The following ZNF749 variants were observed in gnomAD, a reference collection of about 807,000 sequenced individuals.
ZNF749 encodes the protein zinc finger protein 749.
In ZNF749, 8 loss-of-function variants were observed where a neutral mutation model predicts 7.3. The ratio of observed to expected loss-of-function variants is 1.10; its 90% CI spans 0.64 to 1.98. The LOEUF (loss-of-function observed/expected upper bound fraction) is 1.98, where lower values mean the gene tolerates loss of function less well. ZNF749 is among the 30% of genes most tolerant of loss of function. The pLI is 0.00. For synonymous variants in ZNF749, 310 were observed against 322.4 expected (o/e 0.96, Z 0.41); for missense variants, 898 against 932.4 (o/e 0.96, Z 0.48).
In ZNF749 at chr19:57,445,029, G is replaced by T. The variant is rs777413595; in HGVS notation, c.1881G>T (p.Leu627=). 6.2e-7 allele frequency: 1 copy of T among 1,614,050 alleles called. No individual in the cohort carries two copies. The highest frequency in any genetic ancestry group is 8.5e-7 in the Non-Finnish European group (1 of 1,180,006). Residue 627 remains leucine, a synonymous_variant, in exon 3 of 3, where the codon CTG becomes CTT. Transcript: ENST00000334181. ...AATTCTTTAGATATCGCTGTACACT[G>T]AGTAGACATCAGAAAGTTCACACTG... ...CGKFFRYRCT[L]SRHQKVHTGE...
At position 57,446,637 on chromosome 19, in the gene ZNF749, A is replaced by T. The variant is rs1228170829; in HGVS notation, c.*1152A>T. Among the ~76,000 whole-genome samples, 1 of 152,186 alleles carries T rather than the reference A, an allele frequency of 6.6e-6. No individual in the cohort carries two copies. The highest frequency in any genetic ancestry group is 2.4e-5 in the African/African-American group (1 of 41,434). Reference sequence around the variant, plus strand: ...GGCCGAATAAAATCCCATTGTAGTCATGTGTCGCCTAACAAGAGGACTGTG... The same window carrying T: ...GGCCGAATAAAATCCCATTGTAGTCTTGTGTCGCCTAACAAGAGGACTGTG... On this transcript the variant is annotated 3_prime_UTR_variant, in exon 3 of 3. Coordinates refer to ENST00000334181, the MANE Select transcript of ZNF749 (RefSeq NM_001023561.4).
At chr19:57,440,442 T>G (rs2088976093) in intron 1 of ZNF749, among the ~76,000 whole-genome samples, 1 of 149,634 alleles carries the variant, frequency 6.7e-6, no homozygotes, top group Non-Finnish European at 1.5e-5. Flanking sequence ...CACTTGGGTT[T>G]TGGGGGGGCT....
Position 57,444,562 on chromosome 19 carries a change from C to T in ZNF749, c.1414C>T (p.Gln472Ter). The change falls in exon 3 of 3, where the codon CAA becomes TAA. Residue 472 changes from glutamine (Q) to a stop codon, truncating the protein, a stop_gained. Transcript: ENST00000334181. LOFTEE classifies it low-confidence loss of function (END_TRUNC). ...DAFSKRSDLI[Q>*]HKRIDIRPRP... ...ATTTTCAAAAAGGTCTGACCTCATT[C>T]AACACAAGAGGATTGACATTAGGCC... 1.2e-6 allele frequency: 2 copies of T among 1,613,324 alleles called. No homozygotes were observed. The highest frequency in any genetic ancestry group is 2.2e-5 in the South Asian group (2 of 91,026).
In ZNF749 at chr19:57,442,681, A is replaced by C. The variant is rs2089004503; in HGVS notation, c.143-610A>C. Among the ~76,000 whole-genome samples the C allele has an allele frequency of 6.6e-6, 1 of 152,104 alleles. No homozygotes were observed. Among genetic ancestry groups the C allele is most frequent in the Non-Finnish European group, 1.5e-5 (1 of 68,026 alleles). ...TTGGCCCTGGTGGGTGAAAGCTGGG[A>C]AAGGATGTGATATCAAGGCTGGGTT... On this transcript the variant is annotated intron_variant, in intron 2 of 2. Coordinates refer to ENST00000334181, the MANE Select transcript of ZNF749 (RefSeq NM_001023561.4). This position sits in a 1 kb window ranked among gnomAD's most constrained non-coding sequence, Gnocchi z 6.6.
Position 57,445,116 on chromosome 19 carries a change from T to C in ZNF749, c.1968T>C (p.Ile656=). 6.2e-7 allele frequency: 1 copy of C among 1,613,764 alleles called. No individual in the cohort carries two copies. Among genetic ancestry groups the C allele is most frequent in the Non-Finnish European group, 8.5e-7 (1 of 1,179,882 alleles). The change falls in exon 3 of 3, where the codon ATT becomes ATC. Residue 656 remains isoleucine, a synonymous_variant. Coordinates refer to ENST00000334181, the MANE Select transcript of ZNF749 (RefSeq NM_001023561.4). ...TTTTTAGAGATAGCTACAAACTCAT[T>C]ATTCATCAGAGAGTTCATACTGGAG... ...GKFFRDSYKL[I]IHQRVHTGEK... is the part of the protein sequence containing the mutation.
rs760136107 is a variant in ZNF749, at chr19:57,443,360, T to A, written c.212T>A (p.Val71Asp). 3 of 1,614,142 alleles carry A rather than the reference T, an allele frequency of 1.9e-6. No individual in the cohort carries two copies. Among genetic ancestry groups the A allele is most frequent in the Non-Finnish European group, 2.5e-6 (3 of 1,179,994 alleles). Residue 71 changes from valine to aspartate, a missense_variant, in exon 3 of 3, where the codon GTC becomes GAC. Coordinates refer to ENST00000334181, the MANE Select transcript of ZNF749 (RefSeq NM_001023561.4). The part of the protein sequence containing the change: ...KQCVSVRVLQ[V>D]TIPKPALSTL... ...TGTGTTTCTGTAAGAGTGTTACAGG[T>A]CACAATTCCAAAGCCAGCTTTGTCC...
rs769759332 is a variant in ZNF749 at position 57,443,489 on chromosome 19, G to GTGCAGCAGAGCATGACC, written c.346_362dup (p.His121GlnfsTer27). ...CACCCTGAGCAAGGGCTGTACACAT[G>GTGCAGCAGAGCATGACC]TGCAGCAGAGCATGACCTGCACCAA... On this transcript the variant is annotated frameshift_variant, in exon 3 of 3. Transcript: ENST00000334181. LOFTEE classifies it low-confidence loss of function (END_TRUNC). The GTGCAGCAGAGCATGACC allele has an allele frequency of 6.2e-7, 1 of 1,614,224 alleles. No homozygotes were observed. The highest frequency in any genetic ancestry group is 1.1e-5 in the South Asian group (1 of 91,086).
At chr19:57,430,279 A>C in the ZNF749 span, among the ~76,000 whole-genome samples, 4 of 152,218 alleles carry the variant, frequency 2.6e-5, no homozygotes, top group African/African-American at 9.6e-5. Context: ...ACATGACAGA[A>C]GCCATCAAAT....
At chr19:57,433,515 T>A (rs1250293143), upstream of ZNF749, among the ~76,000 whole-genome samples, 4 of 152,218 alleles carry the variant, frequency 2.6e-5, no homozygotes, top group Admixed American at 6.5e-5. Flanking sequence ...TTTCTTATTT[T>A]TAACTGGTTA....
Position 57,443,473 on chromosome 19 carries a change from C to T in ZNF749, c.325C>T (p.Gln109Ter), listed in dbSNP as rs758987700. Reference sequence around the variant, plus strand: ...TGAGCACGATGGAACACACCCTGAGCAAGGGCTGTACACATGTGCAGCAGA... The same window carrying T: ...TGAGCACGATGGAACACACCCTGAGTAAGGGCTGTACACATGTGCAGCAGA... ...LAEHDGTHPEQGLYTCAAEHD... is the reference protein window; with the variant it reads ...LAEHDGTHPE The change falls in exon 3 of 3, where the codon CAA (glutamine) becomes TAA (stop). Residue 109 changes from glutamine to a stop codon, truncating the protein, a stop_gained. Coordinates refer to ENST00000334181, the MANE Select transcript of ZNF749 (RefSeq NM_001023561.4). LOFTEE classifies it low-confidence loss of function (END_TRUNC). 3 of 1,614,220 alleles carry T rather than the reference C, an allele frequency of 1.9e-6. No individual in the cohort carries two copies. The highest frequency in any genetic ancestry group is 1.1e-5 in the South Asian group (1 of 91,078).
In ZNF749 at chr19:57,443,397, C is replaced by T; in HGVS notation, c.249C>T (p.Ala83=). Residue 83 remains alanine, a synonymous_variant, in exon 3 of 3, where the codon GCC becomes GCT. Coordinates refer to ENST00000334181, the MANE Select transcript of ZNF749 (RefSeq NM_001023561.4). ...AGCCAGCTTTGTCCACCCTGAAGGC[C>T]CAGCCCTGCAAGATGTGTAGCTCAA... is the stretch of plus-strand genomic sequence containing the variant. The part of the protein sequence containing the change: ...IPKPALSTLK[A]QPCKMCSSIL... 1 of 1,614,210 alleles carries T rather than the reference C, an allele frequency of 6.2e-7. No individual in the cohort carries two copies. Among genetic ancestry groups the T allele is most frequent in the Non-Finnish European group, 8.5e-7 (1 of 1,180,046 alleles).
intron 1 of ZNF749, chr19:57,435,812 G>A: frequency 3.1e-6 from 3 of 979,610 alleles, no homozygotes; most frequent in East Asian, 2.7e-5. Context: ...GCGGCACTGG[G>A]GAGCCCGAGC....
At chr19:57,435,719 G>A in intron 1 of ZNF749, 126 bp downstream of exon 1, 2 of 1,470,372 alleles carry the variant, frequency 1.4e-6, no homozygotes, top group Non-Finnish European at 1.8e-6. Context: ...GGGTGCCCGG[G>A]ACTGGGACTG....
Position 57,435,611 on chromosome 19 carries a change from G to A in ZNF749, c.15+18G>A. On this transcript the variant is annotated intron_variant, in intron 1 of 2. Coordinates refer to ENST00000334181, the MANE Select transcript of ZNF749 (RefSeq NM_001023561.4). ...TGACCGAGGTGCGTGCAGCGTCCCA[G>A]GCCGCCCCGCCCAACCCCTCCTCCC... 6.2e-7 allele frequency: 1 copy of A among 1,601,880 alleles called. No homozygotes were observed. Among genetic ancestry groups the A allele is most frequent in the Non-Finnish European group, 8.5e-7 (1 of 1,175,328 alleles).
Position 57,443,599 on chromosome 19 carries a change from A to T in ZNF749, c.451A>T (p.Asn151Tyr). 1 of 1,614,230 alleles carries T rather than the reference A, an allele frequency of 6.2e-7. No homozygotes were observed. Among genetic ancestry groups the T allele is most frequent in the South Asian group, 1.1e-5 (1 of 91,088 alleles). Residue 151 changes from asparagine (N) to tyrosine (Y), a missense_variant, in exon 3 of 3, where the codon AAC becomes TAC. By Grantham distance (143) the Asn-to-Tyr change is moderately radical. Transcript: ENST00000334181. ...CCACAGTGCTCACGTGGGAGAGAGG[A>T]ACTTCACATGCACGCAGGGTGGCAA... ...VNHSAHVGER[N>Y]FTCTQGGKDF...
At chr19:57,435,660 C>T in intron 1 of ZNF749, 67 bp downstream of exon 1, 2 of 1,570,164 alleles carry the variant, frequency 1.3e-6, no homozygotes, top group Non-Finnish European at 8.6e-7. Flanking sequence ...CAAGGAGCCG[C>T]CCTGCAGGTT....
intron 1 of ZNF749, among the ~76,000 whole-genome samples, chr19:57,440,046 G>A (rs1172250481): frequency 6.6e-6 from 1 of 152,078 alleles, no homozygotes; most frequent in Non-Finnish European, 1.5e-5. Flanking sequence ...AGAGTGGATC[G>A]ACTGAGGGTA....
rs976632107 is a variant in ZNF749, at chr19:57,445,887, T to C, written c.*402T>C. Among the ~76,000 whole-genome samples, 16 of 152,046 alleles carry C rather than the reference T, an allele frequency of 1.1e-4. No homozygotes were observed. Among genetic ancestry groups the C allele is most frequent in the Admixed American group, 9.2e-4 (14 of 15,276 alleles). ...GGAGGTTGCAGTGAACTGAGATTGT[T>C]CCATTGCACTCCAGCCTGGGTGACA... On this transcript the variant is annotated 3_prime_UTR_variant, in exon 3 of 3. Coordinates refer to ENST00000334181, the MANE Select transcript of ZNF749 (RefSeq NM_001023561.4).
At chr19:57,429,768 C>G in the ZNF749 span, among the ~76,000 whole-genome samples, 1 of 152,254 alleles carries the variant, frequency 6.6e-6, no homozygotes, top group East Asian at 1.9e-4. The surrounding 1 kb of genome is among the most constrained non-coding windows in gnomAD (Gnocchi z 4.2). Context: ...CCTACCTCAG[C>G]CTCCTGAGTA....
Sources: allele counts gnomAD v4.1 joint callset (sites outside exome capture counted in the v4.1 genomes callset), GRCh38; gene constraint gnomAD v4.1.1; non-coding constraint Gnocchi (gnomAD v3.1); transcripts MANE v1.5; gene names NCBI Gene and HGNC (gene_info 2026-07-23, HGNC 2026-07-21).